The following CPEB1 variants were observed in gnomAD, a reference collection of about 807,000 sequenced individuals.
The protein encoded by CPEB1 is cytoplasmic polyadenylation element-binding protein 1.
Under a neutral mutation model 65.8 loss-of-function variants are expected in CPEB1, and 7 were observed. The ratio of observed to expected loss-of-function variants is 0.11; its 90% CI spans 0.06 to 0.20. The LOEUF is 0.20. Among genes scored for constraint, CPEB1 ranks in the 10% least tolerant of loss-of-function variants. The probability of loss-of-function intolerance (pLI) is 1.00; values close to 1 mark genes in which losing one functional copy is unlikely to be tolerated. For synonymous variants in CPEB1, 262 were observed against 260.0 expected, an observed-to-expected ratio of 1.01 and a Z score of -0.08; for missense variants, 551 against 712.2, an observed-to-expected ratio of 0.77 and a Z score of 2.58.
chr15:82,601,881 GGA>G (rs1395458157), intron 3 of CPEB1, among the ~76,000 whole-genome samples: 3 of 152,094 alleles, frequency 2.0e-5, no homozygotes, highest in African/African-American at 4.8e-5. Context: ...AACCCTAAAA[GGA>G]GAGATAATTG....
intron 11 of CPEB1, among the ~76,000 whole-genome samples, 167 bp downstream of exon 11, chr15:82,546,976 C>G (rs1442814194): frequency 6.6e-6 from 1 of 152,186 alleles, no homozygotes; most frequent in Non-Finnish European, 1.5e-5. Flanking sequence ...GTACAAAGAC[C>G]AAGCCCACTC....
At chr15:82,558,070 C>G (rs887479108) in intron 4 of CPEB1, 84 bp from the exon 5 acceptor site, 2 of 889,904 alleles carry the variant, frequency 2.2e-6, no homozygotes, top group African/African-American at 1.7e-5. Flanking sequence ...AGCCACCCAA[C>G]AAGAGATACC....
intron 3 of CPEB1, among the ~76,000 whole-genome samples, chr15:82,616,213 A>G (rs2044692253): frequency 6.6e-6 from 1 of 152,056 alleles, no homozygotes; most frequent in Non-Finnish European, 1.5e-5. Flanking sequence ...TGAGCTTGAG[A>G]GCATGAGTGT....
At chr15:82,628,012 T>A in intron 2 of CPEB1, 1 of 579,106 alleles carries the variant, frequency 1.7e-6, no homozygotes, top group Non-Finnish European at 3.0e-6. Context: ...TAAGTCAGCC[T>A]CCAGATCAAG....
rs2034682697 is a variant in CPEB1, at chr15:82,543,669, GAA to G, written c.*921_*922del. ...AGCCCTTTTTAGCTCAGTTACAAAAGAAAAAAGTCCTGTGACTTTGTGATTAA... is the reference window on the plus strand; with the variant it reads ...AGCCCTTTTTAGCTCAGTTACAAAAGAAAAGTCCTGTGACTTTGTGATTAA... On this transcript the variant is annotated 3_prime_UTR_variant, in exon 13 of 13. Coordinates refer to ENST00000684509, the MANE Select transcript of CPEB1 (RefSeq NM_001365242.1). 1 of 151,490 alleles carries G rather than the reference GAA, an allele frequency of 6.6e-6. No individual in the cohort carries two copies. Among genetic ancestry groups the G allele is most frequent in the Non-Finnish European group, 1.5e-5 (1 of 67,872 alleles). The allele number at this position is 151,490 out of a possible 1,614,324, so 9.4% of individuals were successfully genotyped here.
intron 1 of CPEB1, among the ~76,000 whole-genome samples, chr15:82,644,279 C>CT (rs1216300875): frequency 2.6e-5 from 4 of 152,182 alleles, no homozygotes; most frequent in African/African-American, 9.7e-5. Context: ...AGACCACCAC[C>CT]TTTTTTCTAG....
chr15:82,626,658 G>T (rs1006208666), intron 3 of CPEB1, among the ~76,000 whole-genome samples: 1 of 151,220 alleles, frequency 6.6e-6, no homozygotes, highest in Non-Finnish European at 1.5e-5. Context: ...GCTGACTCAT[G>T]TTTAAAAGCT....
intron 3 of CPEB1, among the ~76,000 whole-genome samples, chr15:82,611,150 A>T (rs901399285): frequency 1.3e-5 from 2 of 151,864 alleles, no homozygotes; most frequent in South Asian, 4.2e-4. Context: ...ATGAAACAAA[A>T]GGCATCTAGA....
chr15:82,614,723 G>T (rs2044524196), intron 3 of CPEB1, among the ~76,000 whole-genome samples: 1 of 151,764 alleles, frequency 6.6e-6, no homozygotes, highest in Non-Finnish European at 1.5e-5. Flanking sequence ...GATTTCAAAA[G>T]ATCTTTAAAA....
rs372351545 is a variant in CPEB1 at position 82,639,482 on chromosome 15, T to C, written c.-98+7655A>G. On this transcript the variant is annotated intron_variant, in intron 1 of 12. Coordinates refer to ENST00000684509, the MANE Select transcript of CPEB1 (RefSeq NM_001365242.1). ...GCAATCATGTGGGTATTCTTTTGGG[T>C]CTGGCTTTTTTTTTTTCCCCACTTA... is the stretch of plus-strand genomic sequence containing the variant. Among the ~76,000 whole-genome samples the C allele has an allele frequency of 3.3e-5, 5 of 151,762 alleles. No individual in the cohort carries two copies. The East Asian group carries it at 9.6e-4, about 29-fold the overall frequency.
chr15:82,638,553 T>C (rs1270319608), intron 1 of CPEB1: 2 of 152,178 alleles, frequency 1.3e-5, no homozygotes, highest in Non-Finnish European at 2.9e-5. Context: ...TCTTATGAAG[T>C]GACTGACTTA....
chr15:82,572,807 C>T (rs2151060700), intron 3 of CPEB1, among the ~76,000 whole-genome samples: 1 of 152,324 alleles, frequency 6.6e-6, no homozygotes. Flanking sequence ...AGAGGTGCTG[C>T]ACAAGACCAA....
chr15:82,620,391 C>T (rs1157180742), intron 3 of CPEB1, among the ~76,000 whole-genome samples: 3 of 149,144 alleles, frequency 2.0e-5, no homozygotes, highest in Non-Finnish European at 4.4e-5. Context: ...CACCACTGCA[C>T]TGTAGTCTGG....
At chr15:82,643,912 T>G (rs1382641040) in intron 1 of CPEB1, among the ~76,000 whole-genome samples, 1 of 152,240 alleles carries the variant, frequency 6.6e-6, no homozygotes, top group Non-Finnish European at 1.5e-5. Context: ...TGAGATTTAG[T>G]AAGCTCCATG....
At chr15:82,632,209 C>T (rs954322105) in intron 1 of CPEB1, among the ~76,000 whole-genome samples, 1 of 151,960 alleles carries the variant, frequency 6.6e-6, no homozygotes, top group Non-Finnish European at 1.5e-5. Context: ...GTCTTGATCT[C>T]CTGACCTCAT....
chr15:82,570,455 T>A (rs1459528853), intron 4 of CPEB1, among the ~76,000 whole-genome samples: 1 of 147,166 alleles, frequency 6.8e-6, no homozygotes, highest in Non-Finnish European at 1.5e-5. Flanking sequence ...ATAATTTACA[T>A]AAAGCAAAAT....
chr15:82,625,257 T>TA (rs2045658509), intron 3 of CPEB1, among the ~76,000 whole-genome samples: 1 of 152,114 alleles, frequency 6.6e-6, no homozygotes, highest in African/African-American at 2.4e-5. Context: ...GCTCATGACT[T>TA]ACATTTTTCT....
intron 12 of CPEB1, among the ~76,000 whole-genome samples, chr15:82,545,239 A>AGATCCATAAAAGCCTCGTAGATGAGGCT (rs1249568679): frequency 8.5e-5 from 13 of 152,208 alleles, no homozygotes; most frequent in Non-Finnish European, 1.8e-4. Flanking sequence ...TGAAAGATCC[A>AGATCCATAAAAGCCTCGTAGATGAGGCT]GATCCATAAA....
At chr15:82,636,203 T>C (rs1158813997) in intron 1 of CPEB1, among the ~76,000 whole-genome samples, 2 of 152,172 alleles carry the variant, frequency 1.3e-5, no homozygotes, top group Admixed American at 6.6e-5. Flanking sequence ...TTCTTGAAAA[T>C]ATATGATCTT....
Sources: gnomAD v4.1 joint callset for allele counts (sites outside exome capture counted in the v4.1 genomes callset) on GRCh38, gnomAD v4.1.1 for gene constraint, MANE v1.5 for transcripts, NCBI Gene and HGNC (gene_info 2026-07-23, HGNC 2026-07-21) for gene names.